Variants in TIMP2 observed in about 807,000 individuals in gnomAD.
The protein encoded by TIMP2 is TIMP metallopeptidase inhibitor 2, also known as metalloproteinase inhibitor 2.
TIMP2 carries 5 observed loss-of-function variants against 24.3 expected under a neutral mutation model. That is an observed-to-expected ratio of 0.21 (90% CI 0.11 to 0.43). The LOEUF is 0.43. Among genes scored for constraint, TIMP2 ranks in the 20% least tolerant of loss-of-function variants. The pLI, the probability that TIMP2 is intolerant of heterozygous loss-of-function variation, is 1.00. For missense variants in TIMP2, 221 were observed against 297.5 expected (o/e 0.74, Z 1.89); for synonymous variants, 130 against 123.2 (o/e 1.06, Z -0.37).
chr17:78,865,940 G>A (rs551222770), intron 3 of TIMP2, among the ~76,000 whole-genome samples: 1 of 152,268 alleles, frequency 6.6e-6, no homozygotes, highest in South Asian at 2.1e-4. Context: ...GCCCCTAGAG[G>A]GCAGTGTGAC....
intron 1 of TIMP2, among the ~76,000 whole-genome samples, chr17:78,876,963 GTA>G (rs2069733449): frequency 6.6e-6 from 1 of 152,122 alleles, no homozygotes; most frequent in South Asian, 2.1e-4. Context: ...GCAGCACTTG[GTA>G]TATTCCCCAT....
intron 1 of TIMP2, chr17:78,892,229 G>T: frequency 6.4e-7 from 1 of 1,551,038 alleles, no homozygotes; most frequent in Non-Finnish European, 8.7e-7. Flanking sequence ...TCTCTGCAGA[G>T]CGAGATCGCC....
Position 78,924,067 on chromosome 17 carries a change from C to T in TIMP2, c.130+892G>A, listed in dbSNP as rs2070330214. Among the ~76,000 whole-genome samples, 1 of 152,162 alleles carries T rather than the reference C, an allele frequency of 6.6e-6. No homozygotes were observed. The highest frequency in any genetic ancestry group is 2.1e-4 in the South Asian group (1 of 4,826). On this transcript the variant is annotated intron_variant, in intron 1 of 4. Transcript: ENST00000262768. The surrounding 1 kb of genome is among the most constrained non-coding windows in gnomAD (Gnocchi z 5.3). ...GCTGCAGAGGCTTGAGGTGCAGGAC[C>T]AGGGTGGAAACTTCGAGCCAGCGGG...
intron 1 of TIMP2, among the ~76,000 whole-genome samples, chr17:78,874,818 G>C (rs2069716126): frequency 6.6e-6 from 1 of 151,482 alleles, no homozygotes; most frequent in African/African-American, 2.4e-5. Context: ...TTGGCTCACT[G>C]CAACTTCTGC....
rs2069511459 is a variant in TIMP2 at position 78,854,919 on chromosome 17, GGC to G, written c.*746_*747del. On this transcript the variant is annotated 3_prime_UTR_variant, in exon 5 of 5. Transcript: ENST00000262768. ...CCTCCTGCAAGCTGGGGAGCATGTGGGCGGGGGGGGGGGGGTGGGGGGGTGGG... is the reference window on the plus strand; with the variant it reads ...CCTCCTGCAAGCTGGGGAGCATGTGGGGGGGGGGGGGGGTGGGGGGGTGGG... The G allele has an allele frequency of 3.2e-5, 3 of 93,028 alleles. No individual in the cohort carries two copies. Among genetic ancestry groups the G allele is most frequent in the Non-Finnish European group, 4.6e-5 (2 of 43,768 alleles). 5.8% of individuals were successfully genotyped at this position (93,028 alleles called of 1,614,324 possible). A position where few individuals can be genotyped will look rare whatever the true frequency, so the allele number is the denominator to read the frequency against.
chr17:78,886,447 TCAGA>T (rs1251863670), intron 1 of TIMP2, among the ~76,000 whole-genome samples: 3 of 152,102 alleles, frequency 2.0e-5, no homozygotes, highest in East Asian at 1.9e-4. Context: ...CTCTGCCCTC[TCAGA>T]CAGAGGTGAT....
intron 1 of TIMP2, chr17:78,892,317 T>A: frequency 6.4e-7 from 1 of 1,550,700 alleles, no homozygotes. Context: ...CTCAGCCACA[T>A]GGCTCCATCC....
chr17:78,914,445 G>A (rs956690079), intron 1 of TIMP2, among the ~76,000 whole-genome samples: 3 of 151,882 alleles, frequency 2.0e-5, no homozygotes, highest in Admixed American at 2.0e-4. Context: ...ACCATGCCCG[G>A]CTAATTTTTG....
intron 1 of TIMP2, among the ~76,000 whole-genome samples, chr17:78,878,773 C>G (rs1377572467): frequency 6.6e-6 from 1 of 152,102 alleles, no homozygotes; most frequent in African/African-American, 2.4e-5. Flanking sequence ...AGGAGCAGAG[C>G]CTGAGGGCAT....
intron 3 of TIMP2, among the ~76,000 whole-genome samples, chr17:78,868,775 TG>T (rs2069641666): frequency 6.6e-6 from 1 of 152,164 alleles, no homozygotes; most frequent in Non-Finnish European, 1.5e-5. Flanking sequence ...GCCACAAGGC[TG>T]GGGGCTGCTG....
chr17:78,857,770 A>C, intron 3 of TIMP2, 124 bp from the exon 4 acceptor site: 1 of 1,338,100 alleles, frequency 7.5e-7, no homozygotes. Flanking sequence ...GTCTATTCTG[A>C]GTTAAAACAC....
chr17:78,890,503 G>A lies in TIMP2; in HGVS notation c.131-16584C>T. 3 of 1,052,980 alleles carry A rather than the reference G, an allele frequency of 2.8e-6. No individual in the cohort carries two copies. The South Asian group carries it at 5.1e-5, about 18-fold the overall frequency. The allele number at this position is 1,052,980 out of a possible 1,614,324, so 65.2% of individuals were successfully genotyped here. On this transcript the variant is annotated intron_variant, in intron 1 of 4. Coordinates refer to ENST00000262768, the MANE Select transcript of TIMP2 (RefSeq NM_003255.5). Reference sequence around the variant, plus strand: ...TTACAGGCGTGCGCCACTGCACCCGGCCCCAGATTGCCCATTTTAAAGAGG... The same window carrying A: ...TTACAGGCGTGCGCCACTGCACCCGACCCCAGATTGCCCATTTTAAAGAGG...
chr17:78,888,885 C>T (rs1380618167), intron 1 of TIMP2, among the ~76,000 whole-genome samples: 1 of 152,236 alleles, frequency 6.6e-6, no homozygotes, highest in Middle Eastern at 3.4e-3. Flanking sequence ...TAAGGCCATT[C>T]GTGGACCAAT....
intron 1 of TIMP2, among the ~76,000 whole-genome samples, chr17:78,919,004 T>C (rs2070287583): frequency 6.6e-6 from 1 of 151,730 alleles, no homozygotes; most frequent in Non-Finnish European, 1.5e-5. Flanking sequence ...AAATTATATT[T>C]GGAGTACAAC....
At chr17:78,890,839 G>A (rs924595888) in intron 1 of TIMP2, 55 of 1,550,504 alleles carry the variant, frequency 3.5e-5, no homozygotes, top group Non-Finnish European at 4.0e-5. Context: ...TCGTGGAGGA[G>A]GACTTCAGAT....
At chr17:78,888,870 A>C (rs16971814) in intron 1 of TIMP2, among the ~76,000 whole-genome samples, 1 of 152,212 alleles carries the variant, frequency 6.6e-6, no homozygotes, top group Non-Finnish European at 1.5e-5. Context: ...CAAAATATAC[A>C]TAAGTAAGGC....
chr17:78,868,554 T>C (rs181368920), intron 3 of TIMP2, among the ~76,000 whole-genome samples: 1 of 152,162 alleles, frequency 6.6e-6, no homozygotes, highest in Admixed American at 6.6e-5. Flanking sequence ...CCAGGCCTTG[T>C]CTATTCTTTT....
At chr17:78,918,393 C>G (rs920634660) in intron 1 of TIMP2, among the ~76,000 whole-genome samples, 1 of 152,170 alleles carries the variant, frequency 6.6e-6, no homozygotes, top group African/African-American at 2.4e-5. Flanking sequence ...CACGTCCCAG[C>G]AAATGCACGA....
At chr17:78,861,534 C>T (rs2069566996) in intron 3 of TIMP2, among the ~76,000 whole-genome samples, 1 of 152,150 alleles carries the variant, frequency 6.6e-6, no homozygotes, top group Non-Finnish European at 1.5e-5. Context: ...TGGCCTTTTA[C>T]CACCAATTCT....
Sources: allele counts gnomAD v4.1 joint callset (sites outside exome capture counted in the v4.1 genomes callset), GRCh38; gene constraint gnomAD v4.1.1; non-coding constraint Gnocchi (gnomAD v3.1); transcripts MANE v1.5; gene names NCBI Gene and HGNC (gene_info 2026-07-23, HGNC 2026-07-21).